The following R3HDM1 variants were observed in gnomAD, a reference collection of about 807,000 sequenced individuals.
The protein encoded by R3HDM1 is R3H domain containing 1, also known as R3H domain-containing protein 1.
R3HDM1 carries 46 observed loss-of-function variants against 141.1 expected under a neutral mutation model. That is an observed-to-expected ratio of 0.33 (90% CI 0.26 to 0.42). The LOEUF (loss-of-function observed/expected upper bound fraction) is 0.42, where lower values mean the gene tolerates loss of function less well. Ranked by LOEUF, R3HDM1 falls within the 10% of genes least tolerant of loss-of-function variation. The pLI is 1.00. For missense variants in R3HDM1, 1,184 were observed against 1,368.3 expected (o/e 0.87, Z 2.12); for synonymous variants, 435 against 472.9 (o/e 0.92, Z 1.04).
intron 1 of R3HDM1, among the ~76,000 whole-genome samples, chr2:135,575,647 A>G (rs750788734): frequency 6.6e-6 from 1 of 152,242 alleles, no homozygotes; most frequent in Non-Finnish European, 1.5e-5. Flanking sequence ...GTAGCCAGTT[A>G]GCAGTCAGTC....
At chr2:135,573,362 C>G (rs1394550223) in intron 1 of R3HDM1, among the ~76,000 whole-genome samples, 1 of 152,052 alleles carries the variant, frequency 6.6e-6, no homozygotes, top group Non-Finnish European at 1.5e-5. Flanking sequence ...AAAAAGAGAG[C>G]ACTCACCAGA....
At chr2:135,539,636 G>T (rs1305790844) in intron 1 of R3HDM1, among the ~76,000 whole-genome samples, 1 of 151,638 alleles carries the variant, frequency 6.6e-6, no homozygotes, top group East Asian at 1.9e-4. Flanking sequence ...GCATTTAAAA[G>T]TTAGGTTTAC....
chr2:135,608,087 G>A (rs1236092766), intron 3 of R3HDM1: 4 of 608,966 alleles, frequency 6.6e-6, no homozygotes, highest in Non-Finnish European at 2.1e-6. Flanking sequence ...AGGCCAAGGT[G>A]GGCGGGTCAC....
intron 1 of R3HDM1, among the ~76,000 whole-genome samples, chr2:135,569,213 G>A (rs1220036706): frequency 6.6e-6 from 1 of 152,052 alleles, no homozygotes; most frequent in Non-Finnish European, 1.5e-5. Flanking sequence ...TGCCAGGCAC[G>A]GCAGCTCATG....
intron 15 of R3HDM1, among the ~76,000 whole-genome samples, chr2:135,642,707 G>A (rs574039365): frequency 6.6e-6 from 1 of 152,122 alleles, no homozygotes; most frequent in Non-Finnish European, 1.5e-5. Flanking sequence ...GCAGATACGG[G>A]TGGGAGTATA....
intron 1 of R3HDM1, among the ~76,000 whole-genome samples, chr2:135,554,565 A>C (rs1419019869): frequency 6.6e-6 from 1 of 152,184 alleles, no homozygotes; most frequent in Non-Finnish European, 1.5e-5. Context: ...ACTATGTTTA[A>C]CCTTTTGAGA....
intron 3 of R3HDM1, among the ~76,000 whole-genome samples, chr2:135,609,695 G>C (rs761778167): frequency 1.3e-5 from 2 of 152,080 alleles, no homozygotes; most frequent in Non-Finnish European, 2.9e-5. Context: ...ATAACTCACC[G>C]ATGGGTTTCC....
At chr2:135,544,734 G>C (rs895816009) in intron 1 of R3HDM1, among the ~76,000 whole-genome samples, 22 of 152,300 alleles carry the variant, frequency 1.4e-4, no homozygotes, top group African/African-American at 5.3e-4. Flanking sequence ...GCTGAGGCGG[G>C]CAGAATACTT....
intron 1 of R3HDM1, among the ~76,000 whole-genome samples, chr2:135,569,272 C>A (rs752421826): frequency 1.3e-5 from 2 of 151,936 alleles, no homozygotes; most frequent in Non-Finnish European, 2.9e-5. Flanking sequence ...ATCACAAGGT[C>A]AGGAGTTCGA....
At chr2:135,546,573 T>C (rs776037084) in intron 1 of R3HDM1, among the ~76,000 whole-genome samples, 48 of 152,236 alleles carry the variant, frequency 3.2e-4, no homozygotes, top group Admixed American at 8.5e-4. Flanking sequence ...TATTACATAT[T>C]GTTGCTGACT....
At chr2:135,582,615 A>T (rs577636705) in intron 1 of R3HDM1, among the ~76,000 whole-genome samples, 1 of 152,086 alleles carries the variant, frequency 6.6e-6, no homozygotes, top group Admixed American at 6.5e-5. Context: ...AGGGCCAGAA[A>T]CCCACACTGC....
intron 1 of R3HDM1, among the ~76,000 whole-genome samples, chr2:135,565,529 A>G (rs1157582350): frequency 6.6e-6 from 1 of 151,880 alleles, no homozygotes; most frequent in Non-Finnish European, 1.5e-5. Flanking sequence ...TCTTTAATCA[A>G]AAATCGCTTT....
At chr2:135,545,223 C>T (rs778745568) in intron 1 of R3HDM1, among the ~76,000 whole-genome samples, 10 of 152,172 alleles carry the variant, frequency 6.6e-5, no homozygotes, top group Non-Finnish European at 2.9e-5. Flanking sequence ...ATGAAATATT[C>T]GTTGATAATT....
intron 21 of R3HDM1, among the ~76,000 whole-genome samples, chr2:135,688,162 G>A (rs908148136): frequency 2.0e-5 from 3 of 152,132 alleles, no homozygotes; most frequent in Non-Finnish European, 2.9e-5. Flanking sequence ...TTAGTGCCAC[G>A]TTGTTCACAC....
intron 1 of R3HDM1, chr2:135,587,044 G>A (rs1396165494): frequency 3.2e-6 from 3 of 927,128 alleles, no homozygotes; most frequent in Non-Finnish European, 3.9e-6. Context: ...TAAAGTGCTT[G>A]TAACAGCAAA....
At chr2:135,618,934 C>T (rs1358481600) in intron 5 of R3HDM1, among the ~76,000 whole-genome samples, 2 of 151,426 alleles carry the variant, frequency 1.3e-5, no homozygotes, top group Non-Finnish European at 2.9e-5. Context: ...GCAGGAGAAT[C>T]GCTTGAACCC....
chr2:135,649,938 C>G lies in R3HDM1; in HGVS notation c.1660C>G (p.Gln554Glu). 3 of 1,296,192 alleles carry G rather than the reference C, an allele frequency of 2.3e-6. No homozygotes were observed. Among genetic ancestry groups the G allele is most frequent in the Non-Finnish European group, 3.0e-6 (3 of 984,930 alleles). 80.3% of individuals were successfully genotyped at this position (1,296,192 alleles called of 1,614,324 possible). A position where few individuals can be genotyped will look rare whatever the true frequency, so the allele number is the denominator to read the frequency against. ...TCTGCAGTCCTCTTCACAGCCTGTT[C>G]AGTACTCTACAGCCCCTTACCCATC... ...HPLQSSSQPV[Q>E]YSTAPYPSPF... The change falls in exon 17 of 27, where the codon CAG (glutamine) becomes GAG (glutamate). Residue 554 changes from glutamine (Q) to glutamate (E), a missense_variant. Transcript: ENST00000683871.
chr2:135,613,666 A>G (rs2060753341), intron 3 of R3HDM1, among the ~76,000 whole-genome samples: 1 of 152,136 alleles, frequency 6.6e-6, no homozygotes. Flanking sequence ...AAATACAAAA[A>G]TTAGCTGGGC....
intron 16 of R3HDM1, chr2:135,648,990 G>A (rs1420080174): frequency 1.3e-5 from 2 of 151,532 alleles, no homozygotes; most frequent in African/African-American, 2.4e-5. Flanking sequence ...GTGTGTGCAT[G>A]TGTCTGTATG....
Sources: allele counts gnomAD v4.1 joint callset (sites outside exome capture counted in the v4.1 genomes callset), GRCh38; gene constraint gnomAD v4.1.1; transcripts MANE v1.5; gene names NCBI Gene and HGNC (gene_info 2026-07-23, HGNC 2026-07-21).